The following MYL5 variants were observed in gnomAD, a reference collection of about 807,000 sequenced individuals.
MYL5 encodes myosin regulatory light chain 5.
MYL5 carries 28 observed loss-of-function variants against 20.8 expected under a neutral mutation model. The observed-to-expected ratio is 1.35, with a 90% CI of 1.00 to 1.84. The LOEUF (loss-of-function observed/expected upper bound fraction) is 1.84. Among genes scored for constraint, MYL5 ranks in the 40% most tolerant of loss-of-function variants. The probability of loss-of-function intolerance (pLI) is 0.00; values close to 1 mark genes in which losing one functional copy is unlikely to be tolerated. For synonymous variants in MYL5, 118 were observed against 87.4 expected (o/e 1.35, Z -1.95); for missense variants, 274 against 227.3 (o/e 1.21, Z -1.32).
chr4:677,874 TCTGCAG>T, upstream of MYL5: 1 of 1,339,336 alleles, frequency 7.5e-7, no homozygotes, highest in Non-Finnish European at 1.1e-6. Flanking sequence ...CAAAGCTCAC[TCTGCAG>T]CTGTCCAGTC....
chr4:678,388 G>C (rs28655411), intron 1 of MYL5: 272,075 of 1,412,320 alleles, frequency 0.19, 29,411 homozygotes, highest in African/African-American at 0.45. Context: ...CCTGCTGGAC[G>C]GCGATCCCTG....
At chr4:674,810 C>T, upstream of MYL5, 1 of 155,944 alleles carries the variant, frequency 6.4e-6, no homozygotes, top group Non-Finnish European at 1.4e-5. Flanking sequence ...GCAGGTCCTT[C>T]TCCTACAAGG....
At chr4:679,240 G>C in intron 3 of MYL5, 1 of 683,446 alleles carries the variant, frequency 1.5e-6, no homozygotes, top group Non-Finnish European at 2.6e-6. Flanking sequence ...GAGACAGGGT[G>C]GGTGGGACAG....
chr4:680,954 C>T, intron 5 of MYL5, 138 bp from the exon 8 acceptor site: 1 of 992,758 alleles, frequency 1.0e-6, no homozygotes, highest in South Asian at 1.4e-5. Context: ...AGGGACCTGC[C>T]CCAGGGCCAC....
intron 1 of MYL5, 92 bp downstream of exon 3, chr4:678,121 C>G: frequency 6.4e-7 from 1 of 1,574,076 alleles, no homozygotes; most frequent in African/African-American, 1.4e-5. Context: ...GTGGGCGTGT[C>G]CGTGCTTGCG....
intron 4 of MYL5, 70 bp downstream of exon 6, chr4:680,088 G>A (rs192490854): frequency 2.5e-4 from 341 of 1,349,462 alleles, no homozygotes; most frequent in Non-Finnish European, 3.2e-4. Context: ...GACATTTCAC[G>A]TAAAAATCTC....
At position 681,034 on chromosome 4, in the gene MYL5, C is replaced by T. The variant is rs1739426177; in HGVS notation, c.372-58C>T. Reference sequence around the variant, plus strand: ...GGGCCCCTGGAGCACCTGAGCCCCACCGAGAAGGCTCCTGCACCCCCGCAT... The same window carrying T: ...GGGCCCCTGGAGCACCTGAGCCCCATCGAGAAGGCTCCTGCACCCCCGCAT... On this transcript the variant is annotated intron_variant, in intron 5 of 6. Transcript: ENST00000400159. The T allele has an allele frequency of 1.9e-6, 3 of 1,552,232 alleles. No individual in the cohort carries two copies. In the Admixed American group the frequency reaches 5.8e-5, roughly 30 times the overall value.
chr4:680,042 G>T, intron 4 of MYL5, 24 bp downstream of exon 6: 1 of 1,559,152 alleles, frequency 6.4e-7, no homozygotes, highest in South Asian at 1.1e-5. Flanking sequence ...GGGCAGGCCT[G>T]GCCCTCCTAG....
chr4:680,371 C>T, intron 4 of MYL5, 138 bp from the exon 7 acceptor site: 4 of 924,932 alleles, frequency 4.3e-6, no homozygotes, highest in Non-Finnish European at 6.9e-6. Flanking sequence ...AGAAGGCCTT[C>T]AGGCAGAGGC....
At chr4:678,965 C>T (rs1560153256) in exon 3 of MYL5, 2 of 1,613,810 alleles carry the variant, frequency 1.2e-6, no homozygotes, top group Non-Finnish European at 8.5e-7. Flanking sequence ...CAGGCATTCA[C>T]ACTCATGGAT....
chr4:674,653 GTCT>G, upstream of MYL5: 1 of 262,944 alleles, frequency 3.8e-6, no homozygotes. Flanking sequence ...GGCGCACTCT[GTCT>G]TCTTGCGCGG....
chr4:677,227 G>A (rs1738933086), upstream of MYL5, among the ~76,000 whole-genome samples: 1 of 152,148 alleles, frequency 6.6e-6, no homozygotes, highest in Non-Finnish European at 1.5e-5. Context: ...TGCTTGGCCT[G>A]CAGACCCTCC....
chr4:678,492 C>T, intron 1 of MYL5, 166 bp from the exon 4 acceptor site: 1 of 1,440,154 alleles, frequency 6.9e-7, no homozygotes. Context: ...CCCCCAACCC[C>T]AGCTACCCAG....
At chr4:678,805 G>A in intron 2 of MYL5, 40 bp downstream of exon 4, 1 of 1,608,690 alleles carries the variant, frequency 6.2e-7, no homozygotes, top group Non-Finnish European at 8.5e-7. Flanking sequence ...CCACCCCCAG[G>A]AGCCTGTGCT....
At chr4:680,897 C>A (rs1327519547) in intron 5 of MYL5, 195 bp from the exon 8 acceptor site, 5 of 678,360 alleles carry the variant, frequency 7.4e-6, no homozygotes, top group Non-Finnish European at 1.0e-5. Flanking sequence ...GCTCTGTCCC[C>A]ATCAGCGGCT....
Position 678,684 on chromosome 4 carries a change from AG to A in MYL5, c.35del (p.Gly12ValfsTer44), listed in dbSNP as rs1739111159. On this transcript the variant is annotated frameshift_variant, in exon 2 of 7. Transcript: ENST00000400159. LOFTEE classifies it high-confidence loss of function. Reference sequence around the variant, plus strand: ...CCAGCAGGAAGACCAAGAAGAAGGAAGGGGGTGCCCTCCGGGCCCAGAGAGC... The same window carrying A: ...CCAGCAGGAAGACCAAGAAGAAGGAAGGGGTGCCCTCCGGGCCCAGAGAGC... The A allele has an allele frequency of 6.2e-7, 1 of 1,610,912 alleles. No individual in the cohort carries two copies. Among genetic ancestry groups the A allele is most frequent in the Non-Finnish European group, 8.5e-7 (1 of 1,179,054 alleles).
At position 679,946 on chromosome 4, in the gene MYL5, G is replaced by A. The variant is rs369520466; in HGVS notation, c.220G>A (p.Ala74Thr). The change falls in exon 4 of 7, where the codon GCC (alanine) becomes ACC (threonine). Residue 74 changes from alanine to threonine, a missense_variant. Ala to Thr is a moderately conservative substitution (Grantham distance 58, BLOSUM62 0). Transcript: ENST00000400159. ...CAACGTCAAGGACGACGAGCTGGAC[G>A]CCATGCTCAAAGAGGCCTCGGGGCC... The A allele has an allele frequency of 3.9e-5, 63 of 1,613,668 alleles. 1 individual carries two copies. Among genetic ancestry groups the A allele is most frequent in the Middle Eastern group, 3.3e-4 (2 of 6,082 alleles).
chr4:681,495 C>T (rs1379591778), intron 6 of MYL5, among the ~76,000 whole-genome samples: 3 of 149,712 alleles, frequency 2.0e-5, no homozygotes, highest in African/African-American at 7.4e-5. Context: ...GCCGGGCCAC[C>T]CCTCAGGACC....
chr4:681,112 C>T, exon 6 of MYL5: 3 of 1,606,686 alleles, frequency 1.9e-6, no homozygotes, highest in South Asian at 1.1e-5. Flanking sequence ...CTGCTGATGT[C>T]CCAGGCTGAC....
Sources: gnomAD v4.1 joint callset for allele counts (sites outside exome capture counted in the v4.1 genomes callset) on GRCh38, gnomAD v4.1.1 for gene constraint, MANE v1.5 for transcripts, NCBI Gene and HGNC (gene_info 2026-07-23, HGNC 2026-07-21) for gene names.